TMEM131: variants seen among roughly 807,000 people sequenced by gnomAD.
The protein encoded by TMEM131 is transmembrane protein 131.
A neutral mutation model predicts 211.6 loss-of-function variants in TMEM131; 66 were observed. The observed-to-expected ratio is 0.31, with a 90% CI of 0.26 to 0.38. TMEM131 has a LOEUF of 0.38. Ranked by LOEUF, TMEM131 falls within the 10% of genes least tolerant of loss-of-function variation. The pLI is 1.00. For missense variants in TMEM131, 2,036 were observed against 2,299.3 expected (o/e 0.89, Z 2.34); for synonymous variants, 844 against 841.3 (o/e 1.00, Z -0.06).
intron 4 of TMEM131, among the ~76,000 whole-genome samples, chr2:97,886,654 G>A (rs753056159): frequency 3.9e-5 from 6 of 152,122 alleles, no homozygotes; most frequent in Non-Finnish European, 8.8e-5. Flanking sequence ...TCAGGGATGT[G>A]TGCATCCACA....
At chr2:97,813,735 T>C (rs1227809333) in intron 15 of TMEM131, among the ~76,000 whole-genome samples, 1 of 152,196 alleles carries the variant, frequency 6.6e-6, no homozygotes, top group Non-Finnish European at 1.5e-5. Context: ...GAAAGCAGAA[T>C]GTGGAAAAGA....
chr2:97,764,156 A>G (rs1679041475), intron 35 of TMEM131: 1 of 152,312 alleles, frequency 6.6e-6, no homozygotes, highest in Non-Finnish European at 1.5e-5. Flanking sequence ...CAGAGGCTGC[A>G]CAACTCCCCC....
chr2:97,982,281 G>A (rs2104646900), intron 1 of TMEM131, among the ~76,000 whole-genome samples: 1 of 152,220 alleles, frequency 6.6e-6, no homozygotes, highest in South Asian at 2.1e-4. Flanking sequence ...AGCTAATGAT[G>A]TAGAGCATCT....
intron 4 of TMEM131, among the ~76,000 whole-genome samples, chr2:97,866,736 C>T (rs909439731): frequency 2.6e-5 from 4 of 152,012 alleles, no homozygotes; most frequent in East Asian, 1.9e-4. Context: ...TTGATTTATT[C>T]GATTCACTGA....
chr2:97,927,398 A>G, intron 2 of TMEM131, 28 bp downstream of exon 2: 2 of 1,545,516 alleles, frequency 1.3e-6, no homozygotes, highest in Admixed American at 1.9e-5. Flanking sequence ...AGGCTTAACA[A>G]TAACTTGTCT....
At chr2:97,960,768 A>G (rs1678779144) in intron 1 of TMEM131, among the ~76,000 whole-genome samples, 1 of 152,206 alleles carries the variant, frequency 6.6e-6, no homozygotes, top group Non-Finnish European at 1.5e-5. Context: ...TGCAGACATA[A>G]AAAATGCTTA....
intron 31 of TMEM131, among the ~76,000 whole-genome samples, chr2:97,784,985 A>AACTCTATTCAC (rs747501686): frequency 7.9e-5 from 12 of 152,192 alleles, no homozygotes; most frequent in Non-Finnish European, 1.3e-4. Context: ...TACTATAAAC[A>AACTCTATTCAC]ACTCTATTCA....
At chr2:97,946,095 GA>G (rs1678024551) in intron 1 of TMEM131, among the ~76,000 whole-genome samples, 1 of 151,906 alleles carries the variant, frequency 6.6e-6, no homozygotes, top group Non-Finnish European at 1.5e-5. Context: ...ATTGTGCAGG[GA>G]TTTTATCTTG....
chr2:97,969,383 C>A (rs1482300856), intron 1 of TMEM131, among the ~76,000 whole-genome samples: 1 of 152,140 alleles, frequency 6.6e-6, no homozygotes, highest in Admixed American at 6.5e-5. Context: ...GGCCCTTCTG[C>A]CCCAACACCT....
chr2:97,907,302 G>C (rs1045721554), intron 3 of TMEM131: 1 of 152,028 alleles, frequency 6.6e-6, no homozygotes. Flanking sequence ...CAGAACAATG[G>C]GGGAAAAGGG....
intron 1 of TMEM131, among the ~76,000 whole-genome samples, chr2:97,985,037 A>G (rs1679963833): frequency 1.3e-5 from 2 of 152,138 alleles, no homozygotes; most frequent in African/African-American, 4.8e-5. Context: ...ACTCCATGGG[A>G]TAAAATGTAG....
chr2:97,842,065 T>TA (rs901678623), intron 6 of TMEM131, 128 bp from the exon 7 acceptor site: 66 of 911,434 alleles, frequency 7.2e-5, no homozygotes, highest in Middle Eastern at 3.5e-4. Flanking sequence ...TCCCTTTATT[T>TA]AAAAAAAACC....
At chr2:97,973,734 G>C (rs563231683) in intron 1 of TMEM131, among the ~76,000 whole-genome samples, 13 of 152,164 alleles carry the variant, frequency 8.5e-5, no homozygotes, top group Admixed American at 8.5e-4. Flanking sequence ...ATACCAACTG[G>C]AAAAAAATCC....
chr2:97,775,981 A>T lies in TMEM131; in HGVS notation c.4182T>A (p.Pro1394=). 1 of 1,613,836 alleles carries T rather than the reference A, an allele frequency of 6.2e-7. No individual in the cohort carries two copies. The highest frequency in any genetic ancestry group is 1.3e-5 in the African/African-American group (1 of 74,982). The change falls in exon 32 of 41, where the codon CCT becomes CCA. Residue 1394 remains proline (P), a synonymous_variant. Transcript: ENST00000186436. ...TCTTCTCCTTTTCCTCTTGCTTCTT[A>T]GGTGGTTTCACCTTGCGCTGAAGAG... ...GKPLQRKVKP[P]KKQEEKEKKG...
intron 1 of TMEM131, among the ~76,000 whole-genome samples, chr2:97,928,199 T>C (rs2104446287): frequency 6.6e-6 from 1 of 152,290 alleles, no homozygotes; most frequent in African/African-American, 2.4e-5. Context: ...AACTGTGGTA[T>C]ATCTATACAA....
intron 4 of TMEM131, among the ~76,000 whole-genome samples, chr2:97,883,874 T>C (rs994374502): frequency 6.6e-6 from 1 of 152,196 alleles, no homozygotes; most frequent in Admixed American, 6.5e-5. Context: ...ACTCAACAAA[T>C]AAATACAGAT....
intron 3 of TMEM131, among the ~76,000 whole-genome samples, chr2:97,898,788 T>C (rs2104323131): frequency 6.6e-6 from 1 of 152,330 alleles, no homozygotes; most frequent in South Asian, 2.1e-4. Context: ...TTATGATTTC[T>C]TTCTTAACCC....
intron 31 of TMEM131, among the ~76,000 whole-genome samples, chr2:97,791,727 T>C (rs1196971622): frequency 6.6e-6 from 1 of 152,224 alleles, no homozygotes; most frequent in East Asian, 1.9e-4. Context: ...ATACGTTCTT[T>C]TAAGCCCCTG....
intron 33 of TMEM131, among the ~76,000 whole-genome samples, chr2:97,771,411 C>G (rs1332004244): frequency 6.6e-6 from 1 of 152,084 alleles, no homozygotes; most frequent in Non-Finnish European, 1.5e-5. Context: ...TTGCAAAACT[C>G]AAGTATGATT....
Sources: allele counts gnomAD v4.1 joint callset (sites outside exome capture counted in the v4.1 genomes callset), GRCh38; gene constraint gnomAD v4.1.1; transcripts MANE v1.5; gene names NCBI Gene and HGNC (gene_info 2026-07-23, HGNC 2026-07-21).